Variants in GDF6 observed in about 807,000 individuals in gnomAD.
GDF6 encodes the protein growth/differentiation factor 6.
In GDF6, 3 loss-of-function variants were observed where a neutral mutation model predicts 32.4. The ratio of observed to expected loss-of-function variants is 0.09; its 90% CI spans 0.04 to 0.24. GDF6 has a LOEUF of 0.24. Among genes scored for constraint, GDF6 ranks in the 10% least tolerant of loss-of-function variants. The pLI, the probability that GDF6 is intolerant of heterozygous loss-of-function variation, is 1.00. For synonymous variants in GDF6, 296 were observed against 295.3 expected (o/e 1.00, Z -0.03); for missense variants, 589 against 637.9 (o/e 0.92, Z 0.83).
chr8:96,160,590 C>A lies in GDF6; in HGVS notation c.103G>T (p.Ala35Ser). ...ATGCCCTTGGTGGAACCCAGCTCGG[C>A]GGACGACGAGGAGGATGAGATGGAA... ...QASISSSSSS[A>S]ELGSTKGMRS... The change falls in exon 1 of 2, where the codon GCC (alanine) becomes TCC (serine). Residue 35 changes from alanine to serine, a missense_variant. Physicochemically the swap from Ala to Ser is moderately conservative, Grantham distance 99 (BLOSUM62 1). Transcript: ENST00000287020. 1.9e-6 allele frequency: 3 copies of A among 1,613,658 alleles called. No homozygotes were observed. The highest frequency in any genetic ancestry group is 2.5e-6 in the Non-Finnish European group (3 of 1,179,726).
intron 1 of GDF6, among the ~76,000 whole-genome samples, chr8:96,149,185 A>T (rs1347848213): frequency 2.6e-5 from 4 of 152,258 alleles, no homozygotes; most frequent in African/African-American, 7.2e-5. Flanking sequence ...GACTAAAAAA[A>T]CATGCACTTG....
intron 1 of GDF6, among the ~76,000 whole-genome samples, chr8:96,154,294 C>A (rs779453850): frequency 3.3e-5 from 5 of 152,126 alleles, no homozygotes; most frequent in Admixed American, 2.6e-4. Flanking sequence ...TCCCTAGGAA[C>A]GTTGTCCAGC....
intron 1 of GDF6, among the ~76,000 whole-genome samples, chr8:96,159,033 AT>A: frequency 6.6e-6 from 1 of 152,004 alleles, no homozygotes; most frequent in Non-Finnish European, 1.5e-5. Flanking sequence ...AGCTTAAGAG[AT>A]GTGCGAGCAC....
chr8:96,144,254 G>GAGAGAGAGAGAGAC lies in GDF6; in HGVS notation c.*308_*309insGTCTCTCTCTCTCT, dbSNP rs1367536937. On this transcript the variant is annotated 3_prime_UTR_variant, in exon 2 of 2. Coordinates refer to ENST00000287020, the MANE Select transcript of GDF6 (RefSeq NM_001001557.4). This position sits in a 1 kb window ranked among gnomAD's most constrained non-coding sequence, Gnocchi z 5.1. ...CCAAAGCCACAGTAATAGAGAGAGA[G>GAGAGAGAGAGAGAC]AGAGAGAGAGAGAGAGAGAGAGAGA... The GAGAGAGAGAGAGAC allele has an allele frequency of 3.4e-4, 118 of 348,352 alleles. No individual in the cohort carries two copies. The highest frequency in any genetic ancestry group is 2.8e-3 in the African/African-American group (115 of 40,376). 21.6% of individuals were successfully genotyped at this position (348,352 alleles called of 1,614,324 possible).
At chr8:96,150,461 T>C (rs1043094510) in intron 1 of GDF6, among the ~76,000 whole-genome samples, 7 of 152,238 alleles carry the variant, frequency 4.6e-5, no homozygotes, top group African/African-American at 1.4e-4. Context: ...AGCAGCAGCA[T>C]TGAGCGCTTG....
At chr8:96,155,128 G>T (rs1310155930) in intron 1 of GDF6, among the ~76,000 whole-genome samples, 2 of 152,130 alleles carry the variant, frequency 1.3e-5, no homozygotes, top group Non-Finnish European at 2.9e-5. Flanking sequence ...CACGTTTTTA[G>T]ATCCCCTCCC....
chr8:96,145,010 C>G lies in GDF6; in HGVS notation c.921G>C (p.Ala307=), dbSNP rs545149100. Residue 307 remains alanine, a synonymous_variant, in exon 2 of 2, where the codon GCG becomes GCC. Coordinates refer to ENST00000287020, the MANE Select transcript of GDF6 (RefSeq NM_001001557.4). This position sits in a 1 kb window ranked among gnomAD's most constrained non-coding sequence, Gnocchi z 5.6. ...GCGGCGGCCACGACCCCTCGGCGCC[C>G]GCGCCCGGGCCCGCAGCCTCGGCCG... The part of the protein sequence containing the change: ...LGSAEAAGPG[A]GAEGSWPPPS... 6.7e-5 allele frequency: 93 copies of G among 1,387,954 alleles called. No homozygotes were observed. The South Asian group carries it at 1.4e-3, about 22-fold the overall frequency. 86.0% of individuals were successfully genotyped at this position (1,387,954 alleles called of 1,614,324 possible). A position where few individuals can be genotyped will look rare whatever the true frequency, so the allele number is the denominator to read the frequency against.
In GDF6 at chr8:96,145,813, C is replaced by G. The variant is rs563670685; in HGVS notation, c.407-289G>C. ...GGCGGCGGCCTACCGGGTTTTCCCC[C>G]CAAAAGGCTTCGTAACCACTAATGT... On this transcript the variant is annotated intron_variant, in intron 1 of 1. Coordinates refer to ENST00000287020, the MANE Select transcript of GDF6 (RefSeq NM_001001557.4). This position sits in a 1 kb window ranked among gnomAD's most constrained non-coding sequence, Gnocchi z 5.6. Among the ~76,000 whole-genome samples the G allele has an allele frequency of 9.3e-4, 142 of 152,278 alleles. 1 individual carries two copies. Among genetic ancestry groups the G allele is most frequent in the Middle Eastern group, 6.8e-3 (2 of 294 alleles).
rs188749696 is a variant in GDF6, at chr8:96,144,289, A to G, written c.*274T>C. 5.6e-4 allele frequency: 278 copies of G among 495,932 alleles called. No individual in the cohort carries two copies. Among genetic ancestry groups the G allele is most frequent in the African/African-American group, 5.3e-3 (223 of 42,114 alleles). 30.7% of individuals were successfully genotyped at this position (495,932 alleles called of 1,614,324 possible). On this transcript the variant is annotated 3_prime_UTR_variant, in exon 2 of 2. Coordinates refer to ENST00000287020, the MANE Select transcript of GDF6 (RefSeq NM_001001557.4). This position sits in a 1 kb window ranked among gnomAD's most constrained non-coding sequence, Gnocchi z 5.1. ...GAGAGAGAGAGAGAGAGAGAGAGAGAGAAAACAGAACAAAAGAAATCCTCC... is the reference window on the plus strand; with the variant it reads ...GAGAGAGAGAGAGAGAGAGAGAGAGGGAAAACAGAACAAAAGAAATCCTCC...
In GDF6 at chr8:96,142,597, T is replaced by C. The variant is rs939988545; in HGVS notation, c.*1966A>G. On this transcript the variant is annotated 3_prime_UTR_variant, in exon 2 of 2. Transcript: ENST00000287020. ...ACTTTGTACAACTCGAATATAAACT[T>C]TAAAAATATTAGAAATTATAACATT... 6.6e-6 allele frequency: 1 copy of C among 152,650 alleles called. No homozygotes were observed. Among genetic ancestry groups the C allele is most frequent in the East Asian group, 1.9e-4 (1 of 5,200 alleles). 9.5% of individuals were successfully genotyped at this position (152,650 alleles called of 1,614,324 possible). A position where few individuals can be genotyped will look rare whatever the true frequency, so the allele number is the denominator to read the frequency against.
At position 96,145,721 on chromosome 8, in the gene GDF6, C is replaced by T. The variant is rs1283346506; in HGVS notation, c.407-197G>A. Among the ~76,000 whole-genome samples, 1 of 152,118 alleles carries T rather than the reference C, an allele frequency of 6.6e-6. No homozygotes were observed. The highest frequency in any genetic ancestry group is 1.5e-5 in the Non-Finnish European group (1 of 68,012). ...GCGCGGGGAAGGGGGCGCGCCAGGA[C>T]GGGCCCCCTCCTTCGCGTCAGCTCC... On this transcript the variant is annotated intron_variant, in intron 1 of 1. Transcript: ENST00000287020. This position sits in a 1 kb window ranked among gnomAD's most constrained non-coding sequence, Gnocchi z 5.6.
Position 96,144,944 on chromosome 8 carries a change from G to C in GDF6, c.987C>G (p.Pro329=). Residue 329 remains proline (P), a synonymous_variant, in exon 2 of 2, where the codon CCC becomes CCG. Coordinates refer to ENST00000287020, the MANE Select transcript of GDF6 (RefSeq NM_001001557.4). The surrounding 1 kb of genome is among the most constrained non-coding windows in gnomAD (Gnocchi z 5.1). ...AGGCCGTGCGCCGCCGCCGGCGGCCGGGCGAGGGCAGCCAAGGCCTGGCAT... is the reference window on the plus strand; with the variant it reads ...AGGCCGTGCGCCGCCGCCGGCGGCCCGGCGAGGGCAGCCAAGGCCTGGCAT... The part of the protein sequence containing the change: ...APDARPWLPS[P]GRRRRRTAFA... 6.4e-7 allele frequency: 1 copy of C among 1,564,528 alleles called. No homozygotes were observed. Among genetic ancestry groups the C allele is most frequent in the Non-Finnish European group, 8.6e-7 (1 of 1,156,182 alleles).
chr8:96,147,294 T>A (rs1812502807), intron 1 of GDF6, among the ~76,000 whole-genome samples: 1 of 152,224 alleles, frequency 6.6e-6, no homozygotes, highest in Non-Finnish European at 1.5e-5. Context: ...TGCAGGCAGT[T>A]GATTTATGGA....
chr8:96,154,252 G>A (rs1426491766), intron 1 of GDF6, among the ~76,000 whole-genome samples: 1 of 151,942 alleles, frequency 6.6e-6, no homozygotes, highest in Non-Finnish European at 1.5e-5. Flanking sequence ...CCGCCCCCAG[G>A]CGCCGGGGCC....
rs777218109 is a variant in GDF6 at position 96,145,348 on chromosome 8, G to A, written c.583C>T (p.Leu195=). 6.5e-7 allele frequency: 1 copy of A among 1,547,398 alleles called. No homozygotes were observed. The highest frequency in any genetic ancestry group is 8.7e-7 in the Non-Finnish European group (1 of 1,153,190). ...TCCAGGGTCCGCGCGTCCAGCAGTA[G>A]GGGCGAAAGGCAAGGGAAGAGCTGC... is the stretch of plus-strand genomic sequence containing the variant. ...HVQLFPCLSP[L]LLDARTLDPQ... is the part of the protein sequence containing the mutation. The change falls in exon 2 of 2, where the codon CTA becomes TTA. Residue 195 remains leucine, a synonymous_variant. Coordinates refer to ENST00000287020, the MANE Select transcript of GDF6 (RefSeq NM_001001557.4). This position sits in a 1 kb window ranked among gnomAD's most constrained non-coding sequence, Gnocchi z 5.6.
intron 1 of GDF6, among the ~76,000 whole-genome samples, chr8:96,156,339 A>G (rs1812660656): frequency 6.6e-6 from 1 of 151,278 alleles, no homozygotes. Flanking sequence ...ATAAACTGAA[A>G]GTCTGAATCA....
rs1406997514 is a variant in GDF6, at chr8:96,145,404, G to T, written c.527C>A (p.Pro176His). ...GAGCGGCCCGGCTGGTGGCCCCCAG[G>T]GCGCTGAGGGCGCCTGGCGAAAGAG... ...LRLFRQAPSA[P>H]WGPPAGPLHV... Residue 176 changes from proline (P) to histidine (H), a missense_variant, in exon 2 of 2, where the codon CCC (proline) becomes CAC (histidine). Pro to His is a moderately conservative substitution (Grantham distance 77, BLOSUM62 -2). Coordinates refer to ENST00000287020, the MANE Select transcript of GDF6 (RefSeq NM_001001557.4). This position sits in a 1 kb window ranked among gnomAD's most constrained non-coding sequence, Gnocchi z 5.6. 6.3e-7 allele frequency: 1 copy of T among 1,582,898 alleles called. No individual in the cohort carries two copies. The highest frequency in any genetic ancestry group is 1.7e-5 in the Admixed American group (1 of 57,274).
chr8:96,146,738 T>G (rs757560035), intron 1 of GDF6, among the ~76,000 whole-genome samples: 1 of 142,684 alleles, frequency 7.0e-6, no homozygotes, highest in Non-Finnish European at 1.5e-5. Flanking sequence ...AGAGAGACTT[T>G]CCCATCTCTC....
rs760676378 is a variant in GDF6, at chr8:96,145,576, C to G, written c.407-52G>C. On this transcript the variant is annotated intron_variant, in intron 1 of 1. Coordinates refer to ENST00000287020, the MANE Select transcript of GDF6 (RefSeq NM_001001557.4). The surrounding 1 kb of genome is among the most constrained non-coding windows in gnomAD (Gnocchi z 5.6). The stretch of plus-strand genomic sequence containing the variant: ...AGTTTCACTTAAGGGGGAGATCAGC[C>G]CGGTGCTCTTCGGCCGCCCCGGGAG... 5.0e-6 allele frequency: 8 copies of G among 1,595,778 alleles called. No individual in the cohort carries two copies. In the South Asian group the frequency reaches 8.9e-5, roughly 18 times the overall value.
Sources: allele counts gnomAD v4.1 joint callset (sites outside exome capture counted in the v4.1 genomes callset), GRCh38; gene constraint gnomAD v4.1.1; non-coding constraint Gnocchi (gnomAD v3.1); transcripts MANE v1.5; gene names NCBI Gene and HGNC (gene_info 2026-07-23, HGNC 2026-07-21).